Variants in GRHL2 observed in about 807,000 individuals in gnomAD.
GRHL2 encodes grainyhead like transcription factor 2, also known as grainyhead-like protein 2 homolog.
GRHL2 carries 21 observed loss-of-function variants against 83.8 expected under a neutral mutation model. The observed-to-expected ratio is 0.25, with a 90% CI of 0.18 to 0.36. GRHL2 has a LOEUF of 0.36. Ranked by LOEUF, GRHL2 falls within the 10% of genes least tolerant of loss-of-function variation. The probability of loss-of-function intolerance (pLI) is 1.00; values close to 1 mark genes in which losing one functional copy is unlikely to be tolerated. For synonymous variants in GRHL2, 280 were observed against 278.9 expected (o/e 1.00, Z -0.04); for missense variants, 623 against 781.8 (o/e 0.80, Z 2.42).
chr8:101,588,732 T>C (rs117799099), intron 7 of GRHL2, among the ~76,000 whole-genome samples: 130 of 152,350 alleles, frequency 8.5e-4, no homozygotes, highest in Non-Finnish European at 1.6e-3. Context: ...TTTCTAGTGT[T>C]TGAATCTATT....
intron 3 of GRHL2, among the ~76,000 whole-genome samples, chr8:101,555,128 C>T (rs1262979903): frequency 1.3e-5 from 2 of 152,186 alleles, no homozygotes; most frequent in African/African-American, 4.8e-5. Context: ...AGAAACTTTG[C>T]CCCAAATGGA....
At chr8:101,663,635 A>AAATAAATAAATAAATT (rs1554598244) in intron 14 of GRHL2, among the ~76,000 whole-genome samples, 5 of 151,324 alleles carry the variant, frequency 3.3e-5, no homozygotes, top group African/African-American at 1.2e-4. Context: ...ATAAATAAAT[A>AAATAAATAAATAAATT]AATAAATAAA....
At chr8:101,537,811 C>G (rs1177101976) in intron 1 of GRHL2, among the ~76,000 whole-genome samples, 2 of 152,296 alleles carry the variant, frequency 1.3e-5, no homozygotes, top group East Asian at 1.9e-4. Flanking sequence ...AAAACACAAA[C>G]AAACCAATGT....
chr8:101,637,309 A>G (rs1408345563), intron 12 of GRHL2, among the ~76,000 whole-genome samples: 2 of 152,194 alleles, frequency 1.3e-5, no homozygotes, highest in African/African-American at 4.8e-5. Context: ...GCTTGAGGCA[A>G]GAGTCAAAGA....
Position 101,643,252 on chromosome 8 carries a change from C to G in GRHL2, c.1518-879C>G, listed in dbSNP as rs181298991. 2.0e-5 allele frequency among the ~76,000 whole-genome samples: 3 copies of G among 150,496 alleles called. No individual in the cohort carries two copies. In the Admixed American group the frequency reaches 2.0e-4, roughly 10 times the overall value. On this transcript the variant is annotated intron_variant, in intron 12 of 15. Coordinates refer to ENST00000646743, the MANE Select transcript of GRHL2 (RefSeq NM_024915.4). ...ACCGGGTCCCAGGACTTCAGAGACA[C>G]TAAAAATTTCTAAAAACCTGCATCT...
chr8:101,628,084 G>A (rs1813115415), intron 9 of GRHL2, among the ~76,000 whole-genome samples: 1 of 152,198 alleles, frequency 6.6e-6, no homozygotes, highest in Non-Finnish European at 1.5e-5. Context: ...GATCATTGAT[G>A]AAGGTGGCTA....
intron 5 of GRHL2, among the ~76,000 whole-genome samples, chr8:101,572,538 C>G (rs999785446): frequency 1.3e-5 from 2 of 152,164 alleles, no homozygotes; most frequent in Non-Finnish European, 2.9e-5. Context: ...AAGTTTGAGT[C>G]ATCTTTGTGC....
intron 1 of GRHL2, among the ~76,000 whole-genome samples, chr8:101,508,751 C>T (rs1228910934): frequency 6.6e-6 from 1 of 152,094 alleles, no homozygotes; most frequent in East Asian, 1.9e-4. Flanking sequence ...GAGTGGCCAC[C>T]ACATAAGCCT....
chr8:101,506,400 C>T lies in GRHL2; in HGVS notation c.20+13611C>T, dbSNP rs761198264. ...CTTTTCTTACAGTTTCTAATATGTG[C>T]ATGCATAGTATATCAATGTGGTTTT... is the stretch of plus-strand genomic sequence containing the variant. On this transcript the variant is annotated intron_variant, in intron 1 of 15. Transcript: ENST00000646743. Among the ~76,000 whole-genome samples the T allele has an allele frequency of 7.0e-4, 106 of 152,282 alleles. 1 individual carries two copies. Among genetic ancestry groups the T allele is most frequent in the Non-Finnish European group, 5.4e-4 (37 of 68,022 alleles).
chr8:101,640,061 AAC>A (rs1813368825), intron 12 of GRHL2, among the ~76,000 whole-genome samples: 1 of 152,208 alleles, frequency 6.6e-6, no homozygotes, highest in African/African-American at 2.4e-5. Context: ...GACAGTTAGA[AAC>A]AGTCTTTCAG....
chr8:101,667,840 CTG>C lies in GRHL2; in HGVS notation c.*1139_*1140del, dbSNP rs1814107784. On this transcript the variant is annotated 3_prime_UTR_variant, in exon 16 of 16. Coordinates refer to ENST00000646743, the MANE Select transcript of GRHL2 (RefSeq NM_024915.4). ...TTGGCTATCAGGAGAATCCTGGACA[CTG>C]TACTGTGCCTCCCAGTTTACAAACA... The C allele has an allele frequency of 6.5e-6, 1 of 152,792 alleles. No homozygotes were observed. The highest frequency in any genetic ancestry group is 2.4e-5 in the African/African-American group (1 of 41,462). The allele number at this position is 152,792 out of a possible 1,614,324, so 9.5% of individuals were successfully genotyped here.
chr8:101,583,521 G>T (rs886750624), intron 7 of GRHL2, among the ~76,000 whole-genome samples: 15 of 152,206 alleles, frequency 9.9e-5, no homozygotes, highest in African/African-American at 3.6e-4. Context: ...GGGAGTGGAG[G>T]TTGGCCAGGT....
intron 8 of GRHL2, among the ~76,000 whole-genome samples, chr8:101,611,160 A>G (rs1019189234): frequency 1.3e-5 from 2 of 151,082 alleles, no homozygotes; most frequent in Admixed American, 6.6e-5. Flanking sequence ...TAAAAGCTAC[A>G]TGACTGCTGT....
intron 1 of GRHL2, among the ~76,000 whole-genome samples, chr8:101,501,947 C>T (rs1157497894): frequency 2.0e-5 from 3 of 151,602 alleles, no homozygotes; most frequent in African/African-American, 4.8e-5. Context: ...AAACCATGAA[C>T]GTGAGTCTGT....
At chr8:101,551,921 C>T (rs1457502145) in intron 2 of GRHL2, among the ~76,000 whole-genome samples, 6 of 150,792 alleles carry the variant, frequency 4.0e-5, no homozygotes, top group Non-Finnish European at 8.9e-5. Context: ...CTGCAAGCTC[C>T]GCCTCCCAGG....
intron 7 of GRHL2, among the ~76,000 whole-genome samples, chr8:101,580,655 C>T (rs938224942): frequency 1.3e-5 from 2 of 152,226 alleles, no homozygotes; most frequent in African/African-American, 4.8e-5. Context: ...GGATAGAAAC[C>T]CAAGAATGCC....
At chr8:101,516,864 C>T (rs925260619) in intron 1 of GRHL2, among the ~76,000 whole-genome samples, 2 of 152,198 alleles carry the variant, frequency 1.3e-5, no homozygotes, top group Admixed American at 6.5e-5. Context: ...TCACTTATTG[C>T]CACCATCTGA....
chr8:101,660,990 C>T (rs1449030855), intron 14 of GRHL2, among the ~76,000 whole-genome samples: 1 of 152,226 alleles, frequency 6.6e-6, no homozygotes, highest in Non-Finnish European at 1.5e-5. Context: ...ATATTTAGCA[C>T]ATACATTTCA....
Position 101,669,151 on chromosome 8 carries a change from T to C in GRHL2, c.*2448T>C, listed in dbSNP as rs902372872. 6.6e-6 allele frequency: 1 copy of C among 151,934 alleles called. No homozygotes were observed. Among genetic ancestry groups the C allele is most frequent in the Non-Finnish European group, 1.5e-5 (1 of 67,980 alleles). 9.4% of individuals were successfully genotyped at this position (151,934 alleles called of 1,614,324 possible). A position where few individuals can be genotyped will look rare whatever the true frequency, so the allele number is the denominator to read the frequency against. Reference sequence around the variant, plus strand: ...TCCTGAGCGAAACACTCCAAAGAGATAGGAAAACTTGCCGCCTCTTCTTTT... The same window carrying C: ...TCCTGAGCGAAACACTCCAAAGAGACAGGAAAACTTGCCGCCTCTTCTTTT... On this transcript the variant is annotated 3_prime_UTR_variant, in exon 16 of 16. Transcript: ENST00000646743.
Sources: gnomAD v4.1 joint callset for allele counts (sites outside exome capture counted in the v4.1 genomes callset) on GRCh38, gnomAD v4.1.1 for gene constraint, MANE v1.5 for transcripts, NCBI Gene and HGNC (gene_info 2026-07-23, HGNC 2026-07-21) for gene names.